Variants in UNC13B observed in about 807,000 individuals in gnomAD.
UNC13B encodes unc-13 homolog B.
Under a neutral mutation model 211.0 loss-of-function variants are expected in UNC13B, and 144 were observed. The ratio of observed to expected loss-of-function variants is 0.68; its 90% confidence interval spans 0.60 to 0.78. The LOEUF (loss-of-function observed/expected upper bound fraction) is 0.78, where lower values mean the gene tolerates loss of function less well. Ranked by LOEUF, UNC13B falls within the 30% of genes least tolerant of loss-of-function variation. UNC13B has a pLI of 0.00. For synonymous variants in UNC13B, 709 were observed against 725.8 expected (o/e 0.98, Z 0.37); for missense variants, 1,777 against 2,002.0 (o/e 0.89, Z 2.14).
intron 11 of UNC13B, among the ~76,000 whole-genome samples, chr9:35,325,726 G>A (rs1021363183): frequency 2.0e-5 from 3 of 151,930 alleles, no homozygotes; most frequent in African/African-American, 7.3e-5. Context: ...TACCCATTAG[G>A]GATTACTCCC....
At chr9:35,197,662 G>A (rs973967291) in intron 1 of UNC13B, among the ~76,000 whole-genome samples, 6 of 152,208 alleles carry the variant, frequency 3.9e-5, no homozygotes, top group Admixed American at 6.5e-5. Context: ...CTGGTGGGAG[G>A]TGATGGGCCA....
chr9:35,313,407 T>A (rs1163588618), intron 10 of UNC13B, among the ~76,000 whole-genome samples: 5 of 152,158 alleles, frequency 3.3e-5, no homozygotes, highest in South Asian at 2.1e-4. Context: ...AGCAGATTGC[T>A]TGTGCTCAGG....
intron 8 of UNC13B, among the ~76,000 whole-genome samples, chr9:35,297,561 T>TTTTTTTTTTTTTTTTTTTTTTTTTG: frequency 2.3e-5 from 3 of 128,232 alleles, no homozygotes; most frequent in African/African-American, 2.9e-5. Flanking sequence ...TTTTTTTTTT[T>TTTTTTTTTTTTTTTTTTTTTTTTTG]TTTTTTGAGA....
At chr9:35,185,221 C>T (rs1372432096) in intron 1 of UNC13B, among the ~76,000 whole-genome samples, 4 of 152,240 alleles carry the variant, frequency 2.6e-5, no homozygotes, top group African/African-American at 7.2e-5. Context: ...GTCCTGGCTA[C>T]AAATCACCCT....
At chr9:35,283,248 CA>C (rs1252110436) in intron 7 of UNC13B, among the ~76,000 whole-genome samples, 1 of 152,040 alleles carries the variant, frequency 6.6e-6, no homozygotes, top group Non-Finnish European at 1.5e-5. Context: ...ACCCATTGTT[CA>C]TAGGTATTTT....
chr9:35,379,772 A>G (rs889830863), intron 17 of UNC13B, among the ~76,000 whole-genome samples: 1 of 152,184 alleles, frequency 6.6e-6, no homozygotes, highest in African/African-American at 2.4e-5. Context: ...ATACTGTAAT[A>G]TTTTAATGGA....
intron 26 of UNC13B, 79 bp from the exon 27 acceptor site, chr9:35,396,397 A>G: frequency 6.3e-7 from 1 of 1,582,724 alleles, no homozygotes; most frequent in Non-Finnish European, 8.6e-7. Flanking sequence ...CTGCCTGACC[A>G]GATCTGCTGC....
At chr9:35,323,783 C>T (rs1382731330) in intron 11 of UNC13B, among the ~76,000 whole-genome samples, 2 of 152,098 alleles carry the variant, frequency 1.3e-5, no homozygotes. Flanking sequence ...TCTCTGGCTT[C>T]CTCTGCCACT....
chr9:35,310,892 AGTT>A (rs1459436113), intron 10 of UNC13B, 111 bp downstream of exon 10: 2 of 996,142 alleles, frequency 2.0e-6, no homozygotes, highest in Non-Finnish European at 2.9e-6. Flanking sequence ...GTATGGTGGT[AGTT>A]AACACCTCCA....
intron 2 of UNC13B, among the ~76,000 whole-genome samples, chr9:35,228,288 G>A (rs544779928): frequency 6.6e-6 from 1 of 151,320 alleles, no homozygotes; most frequent in East Asian, 1.9e-4. Flanking sequence ...CTTTTTCTCA[G>A]AAAAAAGTCT....
At chr9:35,189,064 T>G (rs1263434052) in intron 1 of UNC13B, among the ~76,000 whole-genome samples, 2 of 152,354 alleles carry the variant, frequency 1.3e-5, no homozygotes, top group East Asian at 3.8e-4. Context: ...TTTTACAATC[T>G]TTCTGTAACT....
At chr9:35,193,096 CT>C (rs1310289159) in intron 1 of UNC13B, among the ~76,000 whole-genome samples, 2 of 152,142 alleles carry the variant, frequency 1.3e-5, no homozygotes, top group African/African-American at 4.8e-5. Flanking sequence ...CTGTGATTTC[CT>C]TTGACTTCCT....
intron 6 of UNC13B, among the ~76,000 whole-genome samples, chr9:35,248,940 A>G (rs912050765): frequency 7.9e-5 from 12 of 152,218 alleles, no homozygotes; most frequent in South Asian, 4.2e-4. Context: ...TGAGCTGTCT[A>G]TTGTTGACAG....
At chr9:35,185,410 T>C (rs940538252) in intron 1 of UNC13B, among the ~76,000 whole-genome samples, 1 of 152,196 alleles carries the variant, frequency 6.6e-6, no homozygotes, top group Admixed American at 6.5e-5. Context: ...CTGCCACTAG[T>C]ACAACCAACT....
At chr9:35,208,704 GT>G (rs1172296750) in intron 1 of UNC13B, among the ~76,000 whole-genome samples, 8 of 152,262 alleles carry the variant, frequency 5.3e-5, no homozygotes, top group African/African-American at 1.9e-4. Flanking sequence ...AAAGAGGATG[GT>G]GCTAAAGGCT....
At chr9:35,177,148 G>C (rs1052361559) in intron 1 of UNC13B, among the ~76,000 whole-genome samples, 1 of 152,086 alleles carries the variant, frequency 6.6e-6, no homozygotes, top group Non-Finnish European at 1.5e-5. Flanking sequence ...TTAGTCGGGC[G>C]TGGTGGCCGG....
intron 14 of UNC13B, 136 bp downstream of exon 14, chr9:35,375,337 G>A (rs376843728): frequency 5.4e-5 from 50 of 932,616 alleles, no homozygotes; most frequent in East Asian, 1.8e-4. Flanking sequence ...AAGATAGATA[G>A]CATCAGGTGT....
chr9:35,277,203 A>C (rs1343850069), intron 7 of UNC13B, among the ~76,000 whole-genome samples: 1 of 152,198 alleles, frequency 6.6e-6, no homozygotes, highest in Non-Finnish European at 1.5e-5. Flanking sequence ...AGAGGAAAAA[A>C]AACAATGATC....
At chr9:35,163,945 A>G (rs1587264322) in intron 1 of UNC13B, among the ~76,000 whole-genome samples, 1 of 152,260 alleles carries the variant, frequency 6.6e-6, no homozygotes, top group South Asian at 2.1e-4. Context: ...ATATGCAGAT[A>G]TTCATATTGA....
Sources: allele counts gnomAD v4.1 joint callset (sites outside exome capture counted in the v4.1 genomes callset), GRCh38; gene constraint gnomAD v4.1.1; transcripts MANE v1.5; gene names NCBI Gene and HGNC (gene_info 2026-07-23, HGNC 2026-07-21).